FRMD4A: variants seen among roughly 807,000 people sequenced by gnomAD.
FRMD4A encodes FERM domain-containing protein 4A.
FRMD4A carries 29 observed loss-of-function variants against 129.1 expected under a neutral mutation model. The observed-to-expected ratio is 0.22, with a 90% CI of 0.17 to 0.31. FRMD4A has a LOEUF of 0.31. Among genes scored for constraint, FRMD4A ranks in the 10% least tolerant of loss-of-function variants. The probability of loss-of-function intolerance (pLI) is 1.00; values close to 1 mark genes in which losing one functional copy is unlikely to be tolerated. For synonymous variants in FRMD4A, 634 were observed against 571.6 expected (o/e 1.11, Z -1.56); for missense variants, 1,272 against 1,375.8 (o/e 0.92, Z 1.19).
chr10:13,651,775 T>C, intron 24 of FRMD4A, 128 bp downstream of exon 24: 1 of 660,384 alleles, frequency 1.5e-6, no homozygotes, highest in Non-Finnish European at 2.8e-6. Flanking sequence ...CAGTTCCCCA[T>C]GTATCTAGAA....
intron 9 of FRMD4A, among the ~76,000 whole-genome samples, chr10:13,742,364 G>C (rs1196424824): frequency 6.6e-6 from 1 of 152,136 alleles, no homozygotes; most frequent in Non-Finnish European, 1.5e-5. Context: ...GTGTGGAGTC[G>C]ACACCTCGGT....
intron 22 of FRMD4A, chr10:13,655,790 T>C (rs773798627): frequency 2.0e-5 from 3 of 152,226 alleles, no homozygotes; most frequent in Non-Finnish European, 4.4e-5. Flanking sequence ...TTTATTCTTA[T>C]GATGTTTACC....
At chr10:14,079,389 A>G (rs1835796856) in intron 2 of FRMD4A, among the ~76,000 whole-genome samples, 1 of 152,218 alleles carries the variant, frequency 6.6e-6, no homozygotes, top group African/African-American at 2.4e-5. Context: ...AGAGATAACC[A>G]AAGCCTGGAA....
In FRMD4A at chr10:14,277,191, G is replaced by C. The variant is rs543578313; in HGVS notation, c.45+52867C>G. 2.0e-5 allele frequency among the ~76,000 whole-genome samples: 3 copies of C among 152,300 alleles called. No individual in the cohort carries two copies. In the South Asian group the frequency reaches 6.2e-4, roughly 32 times the overall value. ...GCTGGGATCTGAATGTTGACCACAT[G>C]AGATTCTCAGAAGAAGCCCTCACAG... On this transcript the variant is annotated intron_variant, in intron 2 of 24. Coordinates refer to ENST00000357447, the MANE Select transcript of FRMD4A (RefSeq NM_018027.5).
chr10:14,088,437 T>A, intron 2 of FRMD4A, among the ~76,000 whole-genome samples: 1 of 144,816 alleles, frequency 6.9e-6, no homozygotes, highest in Non-Finnish European at 1.5e-5. Flanking sequence ...AGAACAAGAC[T>A]CTTCCTAAAA....
At chr10:14,007,977 G>A in intron 2 of FRMD4A, 2 of 1,267,818 alleles carry the variant, frequency 1.6e-6, no homozygotes, top group South Asian at 2.6e-5. Context: ...GTGAGTAACA[G>A]AAGTAACGCG....
chr10:13,973,791 G>A (rs11258764), intron 2 of FRMD4A, among the ~76,000 whole-genome samples: 3,602 of 142,628 alleles, frequency 0.025, 113 homozygotes, highest in East Asian at 0.13. Context: ...GAAAGGGAGG[G>A]AGGGTGAAGA....
chr10:13,902,399 A>C (rs2094829642), intron 2 of FRMD4A, among the ~76,000 whole-genome samples: 1 of 151,184 alleles, frequency 6.6e-6, no homozygotes. Context: ...AAAGTTGGAG[A>C]TATCTATACA....
At chr10:13,826,733 T>TG (rs1199918007) in intron 3 of FRMD4A, among the ~76,000 whole-genome samples, 1 of 152,140 alleles carries the variant, frequency 6.6e-6, no homozygotes, top group Non-Finnish European at 1.5e-5. Flanking sequence ...ACACCCTTAC[T>TG]GGGCTAGAAG....
chr10:13,963,044 A>G (rs577973453), intron 2 of FRMD4A, among the ~76,000 whole-genome samples: 71 of 152,332 alleles, frequency 4.7e-4, no homozygotes, highest in African/African-American at 1.5e-3. Context: ...TTTGCTTTCC[A>G]TCCTATTGCA....
chr10:13,797,256 C>T lies in FRMD4A; in HGVS notation c.207-668G>A, dbSNP rs987650823. 5.3e-5 allele frequency among the ~76,000 whole-genome samples: 8 copies of T among 152,188 alleles called. 1 individual carries two copies. Among genetic ancestry groups the T allele is most frequent in the African/African-American group, 1.9e-4 (8 of 41,444 alleles). ...CCCAGGTGCCTTTTTTCCTGAAGGA[C>T]TGAAAGCACACTTGAAAACATGTTA... On this transcript the variant is annotated intron_variant, in intron 4 of 24. Transcript: ENST00000357447.
At chr10:13,926,327 T>A (rs1026507577) in intron 2 of FRMD4A, among the ~76,000 whole-genome samples, 1 of 152,164 alleles carries the variant, frequency 6.6e-6, no homozygotes, top group Non-Finnish European at 1.5e-5. Flanking sequence ...GATTTTACTG[T>A]AGGGAGTGAT....
At chr10:14,250,282 C>T (rs1844391073) in intron 2 of FRMD4A, among the ~76,000 whole-genome samples, 1 of 152,104 alleles carries the variant, frequency 6.6e-6, no homozygotes, top group Admixed American at 6.6e-5. Flanking sequence ...TTCTATTCCT[C>T]CTCCTCATAA....
intron 15 of FRMD4A, chr10:13,684,870 A>AT: frequency 1.0e-6 from 1 of 967,892 alleles, no homozygotes; most frequent in Non-Finnish European, 1.2e-6. Flanking sequence ...TAGACCTTAG[A>AT]GAAAAAAAAA....
At chr10:13,757,868 C>T (rs751058808) in intron 8 of FRMD4A, among the ~76,000 whole-genome samples, 3 of 152,154 alleles carry the variant, frequency 2.0e-5, no homozygotes, top group Non-Finnish European at 2.9e-5. Flanking sequence ...CTCAGCCTCC[C>T]GAGTATCTGG....
intron 2 of FRMD4A, among the ~76,000 whole-genome samples, chr10:14,020,916 C>T (rs12762760): frequency 0.015 from 2,312 of 152,094 alleles, 61 homozygotes; most frequent in African/African-American, 0.053. Flanking sequence ...AAAACAGATG[C>T]CTTTTCTAGG....
intron 2 of FRMD4A, among the ~76,000 whole-genome samples, chr10:14,009,593 T>G (rs1360467565): frequency 1.3e-5 from 2 of 152,108 alleles, no homozygotes; most frequent in African/African-American, 2.4e-5. Flanking sequence ...TTTTGTACTA[T>G]GAGAAAATGA....
intron 14 of FRMD4A, among the ~76,000 whole-genome samples, chr10:13,700,659 G>A (rs748228128): frequency 6.6e-6 from 1 of 152,032 alleles, no homozygotes; most frequent in Non-Finnish European, 1.5e-5. Flanking sequence ...AGGGGGCAGA[G>A]TGTTGATATA....
chr10:13,736,394 G>A (rs2090632019), intron 12 of FRMD4A, among the ~76,000 whole-genome samples: 1 of 152,180 alleles, frequency 6.6e-6, no homozygotes, highest in South Asian at 2.1e-4. Flanking sequence ...GCATATAAAT[G>A]GATAAGGAAA....
Sources: gnomAD v4.1 joint callset for allele counts (sites outside exome capture counted in the v4.1 genomes callset) on GRCh38, gnomAD v4.1.1 for gene constraint, MANE v1.5 for transcripts, NCBI Gene and HGNC (gene_info 2026-07-23, HGNC 2026-07-21) for gene names.